SPTLC3: variants seen among roughly 807,000 people sequenced by gnomAD.
SPTLC3 encodes serine palmitoyltransferase long chain base subunit 3.
SPTLC3 carries 36 observed loss-of-function variants against 59.3 expected under a neutral mutation model. The ratio of observed to expected loss-of-function variants is 0.61; its 90% CI spans 0.47 to 0.80. The LOEUF (loss-of-function observed/expected upper bound fraction) is 0.80. Among genes scored for constraint, SPTLC3 ranks in the 30% least tolerant of loss-of-function variants. The pLI is 0.00. For missense variants in SPTLC3, 625 were observed against 685.1 expected (o/e 0.91, Z 0.98); for synonymous variants, 257 against 240.8 (o/e 1.07, Z -0.62).
At chr20:13,127,752 T>C (rs2038027917) in intron 9 of SPTLC3, among the ~76,000 whole-genome samples, 1 of 152,202 alleles carries the variant, frequency 6.6e-6, no homozygotes. Flanking sequence ...TCTTTTTCAC[T>C]AAAGCAGGGT....
At chr20:13,017,707 T>C (rs1262734797) in intron 1 of SPTLC3, among the ~76,000 whole-genome samples, 1 of 152,200 alleles carries the variant, frequency 6.6e-6, no homozygotes, top group Non-Finnish European at 1.5e-5. Context: ...AATGTGGCCC[T>C]GGAAAGCCAA....
At chr20:13,139,925 T>C (rs1269764704) in intron 9 of SPTLC3, among the ~76,000 whole-genome samples, 1 of 152,240 alleles carries the variant, frequency 6.6e-6, no homozygotes, top group Non-Finnish European at 1.5e-5. Context: ...TCTACTAGTC[T>C]GGCTTTTACC....
intron 1 of SPTLC3, among the ~76,000 whole-genome samples, chr20:13,022,918 C>T (rs1985961703): frequency 6.6e-6 from 1 of 152,140 alleles, no homozygotes; most frequent in Non-Finnish European, 1.5e-5. Context: ...ACCATAAGGC[C>T]CCACAGCCTG....
At chr20:13,102,471 C>T (rs6041860) in intron 6 of SPTLC3, among the ~76,000 whole-genome samples, 115,891 of 152,070 alleles carry the variant, frequency 0.76, 45,240 homozygotes, top group African/African-American at 0.94. Flanking sequence ...GCTGGTAAAC[C>T]TAGGAAGTCT....
intron 1 of SPTLC3, among the ~76,000 whole-genome samples, chr20:13,044,751 G>A (rs191469080): frequency 6.6e-4 from 100 of 152,132 alleles, no homozygotes; most frequent in African/African-American, 2.1e-3. Flanking sequence ...GCCCCACTTA[G>A]CACTGGAGAC....
intron 9 of SPTLC3, among the ~76,000 whole-genome samples, chr20:13,150,862 G>GT (rs1462686852): frequency 2.6e-5 from 4 of 152,068 alleles, no homozygotes; most frequent in African/African-American, 9.7e-5. Context: ...TTTTTGTGTG[G>GT]TTAGTACTTG....
chr20:13,042,753 T>C (rs913045627), intron 1 of SPTLC3, among the ~76,000 whole-genome samples: 1 of 152,218 alleles, frequency 6.6e-6, no homozygotes, highest in African/African-American at 2.4e-5. Context: ...AGGGAGAGAA[T>C]AGGTCATGGC....
At chr20:13,088,645 G>T (rs1327976955) in intron 4 of SPTLC3, among the ~76,000 whole-genome samples, 1 of 151,102 alleles carries the variant, frequency 6.6e-6, no homozygotes, top group Non-Finnish European at 1.5e-5. Flanking sequence ...TTAAGATGAA[G>T]TCTCTCTCTG....
intron 5 of SPTLC3, 63 bp downstream of exon 5, chr20:13,091,270 G>A: frequency 1.3e-6 from 2 of 1,575,758 alleles, no homozygotes; most frequent in African/African-American, 1.3e-5. Flanking sequence ...ACTCTGAGTA[G>A]GTCCTTGTTA....
intron 1 of SPTLC3, among the ~76,000 whole-genome samples, chr20:13,046,994 T>C (rs2122492403): frequency 6.6e-6 from 1 of 152,298 alleles, no homozygotes; most frequent in East Asian, 1.9e-4. Context: ...CCACCTATGT[T>C]AGTTTGGGGT....
At chr20:13,063,250 T>A (rs1279182321) in intron 2 of SPTLC3, among the ~76,000 whole-genome samples, 1 of 152,232 alleles carries the variant, frequency 6.6e-6, no homozygotes, top group Non-Finnish European at 1.5e-5. Flanking sequence ...TTCCTATCCT[T>A]TGCTCATAAT....
chr20:13,032,513 C>T (rs762884699), intron 1 of SPTLC3, among the ~76,000 whole-genome samples: 2 of 152,172 alleles, frequency 1.3e-5, no homozygotes, highest in Non-Finnish European at 2.9e-5. Context: ...CAAGTATATA[C>T]CATTCAAGGC....
At chr20:13,136,869 C>T (rs2038259919) in intron 9 of SPTLC3, among the ~76,000 whole-genome samples, 1 of 151,700 alleles carries the variant, frequency 6.6e-6, no homozygotes, top group Admixed American at 6.6e-5. Flanking sequence ...AATAGTTACT[C>T]TGTTACTATT....
chr20:13,148,111 C>T (rs1008675919), intron 9 of SPTLC3, among the ~76,000 whole-genome samples: 5 of 152,142 alleles, frequency 3.3e-5, no homozygotes, highest in African/African-American at 1.2e-4. Flanking sequence ...TTTCAGCCAT[C>T]TGTAATTCCT....
Position 13,117,560 on chromosome 20 carries a change from C to T in SPTLC3, c.987C>T (p.Tyr329=). The T allele has an allele frequency of 1.2e-6, 2 of 1,610,610 alleles. No homozygotes were observed. Among genetic ancestry groups the T allele is most frequent in the African/African-American group, 1.3e-5 (1 of 74,840 alleles). ...AGATCATAGCTCTAAAGAAGAAATA[C>T]AAGGCTTACCTCTACATAGATGAAG... The part of the protein sequence containing the change: ...LPQIIALKKK[Y]KAYLYIDEAH... Residue 329 remains tyrosine (Y), a synonymous_variant, in exon 8 of 12, where the codon TAC becomes TAT. Coordinates refer to ENST00000399002, the MANE Select transcript of SPTLC3 (RefSeq NM_018327.4).
intron 4 of SPTLC3, among the ~76,000 whole-genome samples, chr20:13,084,647 T>C (rs1988948909): frequency 6.6e-6 from 1 of 152,220 alleles, no homozygotes; most frequent in Admixed American, 6.5e-5. Context: ...GGCACATTGT[T>C]AAGCAGATGG....
chr20:13,074,490 T>C lies in SPTLC3; in HGVS notation c.600T>C (p.His200=). Residue 200 remains histidine (H), a synonymous_variant, in exon 4 of 12, where the codon CAT becomes CAC. Coordinates refer to ENST00000399002, the MANE Select transcript of SPTLC3 (RefSeq NM_018327.4). Reference sequence around the variant, plus strand: ...GCACAGGCGTGGCCAGCACCAGGCATGAAATGGGTATGTACATTCACTGTT... The same window carrying C: ...GCACAGGCGTGGCCAGCACCAGGCACGAAATGGGTATGTACATTCACTGTT... ...VYGTGVASTR[H]EMGTLDKHKE... 1 of 1,613,316 alleles carries C rather than the reference T, an allele frequency of 6.2e-7. No homozygotes were observed. Among genetic ancestry groups the C allele is most frequent in the Non-Finnish European group, 8.5e-7 (1 of 1,179,562 alleles).
intron 9 of SPTLC3, among the ~76,000 whole-genome samples, chr20:13,135,853 C>T (rs2038229351): frequency 1.3e-5 from 2 of 152,178 alleles, no homozygotes; most frequent in Admixed American, 1.3e-4. Context: ...TCAGCTATTA[C>T]CTCAGTGCCA....
chr20:13,047,299 G>A (rs963158781), intron 1 of SPTLC3, among the ~76,000 whole-genome samples: 3 of 152,102 alleles, frequency 2.0e-5, no homozygotes, highest in Admixed American at 1.3e-4. Context: ...CTGGAAAACT[G>A]TGTTGATTAC....
Sources: gnomAD v4.1 joint callset for allele counts (sites outside exome capture counted in the v4.1 genomes callset) on GRCh38, gnomAD v4.1.1 for gene constraint, MANE v1.5 for transcripts, NCBI Gene and HGNC (gene_info 2026-07-23, HGNC 2026-07-21) for gene names.